Variants in CDH12 observed in about 807,000 individuals in gnomAD.
CDH12 encodes cadherin-12.
In CDH12, 41 loss-of-function variants were observed where a neutral mutation model predicts 74.1. That is an observed-to-expected ratio of 0.55 (90% CI 0.43 to 0.72). The LOEUF (loss-of-function observed/expected upper bound fraction) is 0.72. CDH12 is among the 30% of genes least tolerant of loss of function. The pLI is 0.00. For missense variants in CDH12, 945 were observed against 977.2 expected, an observed-to-expected ratio of 0.97 and a Z score of 0.44; for synonymous variants, 399 against 355.0, an observed-to-expected ratio of 1.12 and a Z score of -1.39.
At chr5:21,968,514 A>G (rs1380281728) in intron 6 of CDH12, among the ~76,000 whole-genome samples, 2 of 152,212 alleles carry the variant, frequency 1.3e-5, no homozygotes, top group African/African-American at 4.8e-5. Context: ...GGCAGAACGA[A>G]GAGCCTAGAG....
chr5:21,827,364 T>C (rs1479579748), intron 8 of CDH12, among the ~76,000 whole-genome samples: 1 of 152,028 alleles, frequency 6.6e-6, no homozygotes, highest in Non-Finnish European at 1.5e-5. Context: ...TTTTCAGTGA[T>C]TGGAGAGAAA....
intron 1 of CDH12, among the ~76,000 whole-genome samples, chr5:22,837,946 T>G (rs75996969): frequency 0.025 from 3,849 of 152,260 alleles, 58 homozygotes; most frequent in Non-Finnish European, 0.035. Context: ...GGTAGCATAC[T>G]TCACAGATTC....
chr5:22,349,919 T>A (rs1453715285), intron 3 of CDH12, among the ~76,000 whole-genome samples: 1 of 152,150 alleles, frequency 6.6e-6, no homozygotes, highest in Non-Finnish European at 1.5e-5. Context: ...AGTAGTTCAT[T>A]GAAAGATTAA....
intron 2 of CDH12, among the ~76,000 whole-genome samples, chr5:22,458,848 T>C (rs989650636): frequency 1.3e-5 from 2 of 152,186 alleles, no homozygotes; most frequent in African/African-American, 2.4e-5. Flanking sequence ...TTTGTGTTTA[T>C]TTCAACTTAG....
intron 12 of CDH12, among the ~76,000 whole-genome samples, chr5:21,763,880 G>A (rs1274519372): frequency 6.6e-6 from 1 of 152,072 alleles, no homozygotes; most frequent in African/African-American, 2.4e-5. Flanking sequence ...AACTTCATAA[G>A]AAAAATGAAA....
intron 1 of CDH12, among the ~76,000 whole-genome samples, chr5:22,841,769 T>C (rs1004544592): frequency 1.3e-5 from 2 of 152,008 alleles, no homozygotes; most frequent in Non-Finnish European, 2.9e-5. Context: ...ATTAACTGAG[T>C]CAAATAAACA....
chr5:22,060,400 AG>A (rs908123908), intron 5 of CDH12, among the ~76,000 whole-genome samples: 1 of 152,054 alleles, frequency 6.6e-6, no homozygotes, highest in African/African-American at 2.4e-5. Context: ...ATGGATTGAG[AG>A]GTGCAGCAAA....
intron 1 of CDH12, among the ~76,000 whole-genome samples, chr5:22,816,319 A>G (rs1423475545): frequency 1.3e-5 from 2 of 152,188 alleles, no homozygotes; most frequent in African/African-American, 2.4e-5. Context: ...GAATCCTGAC[A>G]GATTCAAACC....
chr5:22,587,299 C>A (rs556781102), intron 1 of CDH12, among the ~76,000 whole-genome samples: 6 of 152,206 alleles, frequency 3.9e-5, no homozygotes, highest in African/African-American at 1.4e-4. Flanking sequence ...AAGGTCCTCA[C>A]TAGATCCAGT....
intron 1 of CDH12, among the ~76,000 whole-genome samples, chr5:22,619,293 G>A (rs1194883331): frequency 1.3e-5 from 2 of 152,022 alleles, no homozygotes; most frequent in Admixed American, 6.6e-5. Flanking sequence ...TTAAAAAGAG[G>A]CACAATCCTG....
intron 6 of CDH12, among the ~76,000 whole-genome samples, chr5:21,960,724 TAC>T (rs954842771): frequency 6.6e-6 from 1 of 151,818 alleles, no homozygotes; most frequent in Non-Finnish European, 1.5e-5. Context: ...CACACGCACA[TAC>T]ACACACACGT....
At chr5:22,826,654 G>T (rs573502164) in intron 1 of CDH12, among the ~76,000 whole-genome samples, 14 of 152,260 alleles carry the variant, frequency 9.2e-5, no homozygotes, top group African/African-American at 3.4e-4. Flanking sequence ...TGGAGATGAA[G>T]AACTTGTTGG....
intron 1 of CDH12, among the ~76,000 whole-genome samples, chr5:22,783,794 C>T (rs1747494654): frequency 6.6e-6 from 1 of 152,042 alleles, no homozygotes; most frequent in Non-Finnish European, 1.5e-5. Context: ...TTCTTAAGTA[C>T]CACAATTTGA....
At chr5:22,578,449 T>G (rs977423971) in intron 1 of CDH12, among the ~76,000 whole-genome samples, 5 of 152,140 alleles carry the variant, frequency 3.3e-5, no homozygotes, top group African/African-American at 1.2e-4. Flanking sequence ...TCTGCTTTTA[T>G]GTTATAGCAA....
At chr5:22,065,428 G>A (rs1443839634) in intron 5 of CDH12, among the ~76,000 whole-genome samples, 3 of 152,162 alleles carry the variant, frequency 2.0e-5, no homozygotes, top group South Asian at 2.1e-4. Flanking sequence ...ATTGCAGCAC[G>A]GGGAGTGAGA....
intron 6 of CDH12, among the ~76,000 whole-genome samples, chr5:21,858,997 A>G (rs188317903): frequency 5.3e-5 from 8 of 152,012 alleles, no homozygotes; most frequent in African/African-American, 1.7e-4. Context: ...CTTAAAATCT[A>G]CTTTCCTAGC....
chr5:21,884,816 A>G (rs1280108365), intron 6 of CDH12, among the ~76,000 whole-genome samples: 1 of 152,184 alleles, frequency 6.6e-6, no homozygotes, highest in African/African-American at 2.4e-5. Flanking sequence ...TCCCTTTTTA[A>G]ATATATTCAC....
At chr5:22,304,109 A>T (rs1738006062) in intron 3 of CDH12, among the ~76,000 whole-genome samples, 1 of 152,138 alleles carries the variant, frequency 6.6e-6, no homozygotes, top group Admixed American at 6.5e-5. Flanking sequence ...CAGCATGTTG[A>T]TAAGCTAATT....
At chr5:22,396,480 A>G (rs1742467122) in intron 3 of CDH12, among the ~76,000 whole-genome samples, 1 of 152,112 alleles carries the variant, frequency 6.6e-6, no homozygotes, top group Admixed American at 6.6e-5. Flanking sequence ...TTAAGGCAAT[A>G]ATTTTATTAG....
Sources: gnomAD v4.1 joint callset for allele counts (sites outside exome capture counted in the v4.1 genomes callset) on GRCh38, gnomAD v4.1.1 for gene constraint, MANE v1.5 for transcripts, NCBI Gene and HGNC (gene_info 2026-07-23, HGNC 2026-07-21) for gene names.